The following RPL18A variants were observed in gnomAD, a reference collection of about 807,000 sequenced individuals.
RPL18A encodes the protein large ribosomal subunit protein eL20.
For missense variants in RPL18A, 163 were observed against 254.1 expected, an observed-to-expected ratio of 0.64 and a Z score of 2.44; for synonymous variants, 122 against 96.9, an observed-to-expected ratio of 1.26 and a Z score of -1.52.
intron 1 of RPL18A, 122 bp downstream of exon 1, chr19:17,860,096 G>T: frequency 1.2e-6 from 1 of 865,674 alleles, no homozygotes; most frequent in Non-Finnish European, 1.7e-6. Context: ...CCTTGGCCGC[G>T]CGCCGCCTTC....
Position 17,862,105 on chromosome 19 carries a change from G to A in RPL18A, c.210G>A (p.Lys70=), listed in dbSNP as rs1259315983. 1 of 1,611,878 alleles carries A rather than the reference G, an allele frequency of 6.2e-7. No individual in the cohort carries two copies. The highest frequency in any genetic ancestry group is 8.5e-7 in the Non-Finnish European group (1 of 1,179,854). Residue 70 remains lysine (K), a synonymous_variant, in exon 3 of 5, where the codon AAG becomes AAA. Coordinates refer to ENST00000222247, the MANE Select transcript of RPL18A (RefSeq NM_000980.4). ...EIVYCGQVFE[K]SPLRVKNFGI... ...CCTCTCCTTGGCAGGTGTTTGAGAA[G>A]TCCCCCCTGCGGGTGAAGAACTTCG...
Position 17,863,258 on chromosome 19 carries a change from T to C in RPL18A, c.526T>C (p.Phe176Leu), listed in dbSNP as rs754265118. 6.4e-6 allele frequency: 10 copies of C among 1,574,330 alleles called. No individual in the cohort carries two copies. Among genetic ancestry groups the C allele is most frequent in the Non-Finnish European group, 8.7e-6 (10 of 1,146,212 alleles). ...RFTTKRPNTF[F>L] ...CACCACCAAGAGGCCCAACACCTTC[T>C]TCTAGGTGCAGGGCCCTCGTCCGGG... Residue 176 changes from phenylalanine (F) to leucine (L), a missense_variant, in exon 5 of 5, where the codon TTC becomes CTC. By Grantham distance (22) the Phe-to-Leu change is conservative. Transcript: ENST00000222247.
At chr19:17,861,233 G>C in intron 1 of RPL18A, 60 bp from the exon 2 acceptor site, 1 of 1,497,150 alleles carries the variant, frequency 6.7e-7, no homozygotes, top group East Asian at 2.3e-5. Flanking sequence ...AAGGGAGTGA[G>C]GTGGATCTCC....
intron 1 of RPL18A, chr19:17,860,909 AAAG>A (rs1949064190): frequency 4.4e-6 from 1 of 227,042 alleles, no homozygotes; most frequent in Non-Finnish European, 8.9e-6. Context: ...CCTCAGGGTG[AAAG>A]AAGATGTTGG....
At position 17,861,452 on chromosome 19, in the gene RPL18A, G is replaced by A. The variant is rs769994765; in HGVS notation, c.178G>A (p.Glu60Lys). 1 of 1,596,190 alleles carries A rather than the reference G, an allele frequency of 6.3e-7. No homozygotes were observed. Among genetic ancestry groups the A allele is most frequent in the Non-Finnish European group, 8.6e-7 (1 of 1,168,714 alleles). Reference sequence around the variant, plus strand: ...AAAGAAGATGAAGAAGTCTTCAGGGGAGATTGTCTACTGTGGGCAGGTATG... The same window carrying A: ...AAAGAAGATGAAGAAGTCTTCAGGGAAGATTGTCTACTGTGGGCAGGTATG... ...QLKKMKKSSG[E>K]IVYCGQVFEK... The change falls in exon 2 of 5, where the codon GAG becomes AAG. Residue 60 changes from glutamate (E) to lysine (K), a missense_variant. Glu to Lys is a moderately conservative substitution (Grantham distance 56). Coordinates refer to ENST00000222247, the MANE Select transcript of RPL18A (RefSeq NM_000980.4).
At chr19:17,862,375 C>T (rs1203526358) in intron 3 of RPL18A, 152 bp downstream of exon 3, 14 of 949,254 alleles carry the variant, frequency 1.5e-5, no homozygotes, top group South Asian at 4.7e-5. Context: ...CCCCAGATGG[C>T]GCTTTTCTGA....
chr19:17,859,984 G>A lies in RPL18A; in HGVS notation c.18+10G>A, dbSNP rs1045204937. ...GAAGGCCTCGGGCACGGTAAGGCGG[G>A]CGCGGCGCGGCAGGGGGCCAAGGGA... On this transcript the variant is annotated intron_variant, in intron 1 of 4. Transcript: ENST00000222247. 3.3e-6 allele frequency: 5 copies of A among 1,519,626 alleles called. No homozygotes were observed. The highest frequency in any genetic ancestry group is 2.9e-5 in the African/African-American group (2 of 69,774). 94.1% of individuals were successfully genotyped at this position (1,519,626 alleles called of 1,614,324 possible). A position where few individuals can be genotyped will look rare whatever the true frequency, so the allele number is the denominator to read the frequency against.
Position 17,863,042 on chromosome 19 carries a change from G to C in RPL18A, c.438+15G>C, listed in dbSNP as rs1054133470. ...AGCAGTTCCACGTGAGTGCCCTGGG[G>C]GACTCCCCTGGAGGGAAGTGCCTGC... On this transcript the variant is annotated intron_variant, in intron 4 of 4. Transcript: ENST00000222247. 2 of 1,600,716 alleles carry C rather than the reference G, an allele frequency of 1.2e-6. No individual in the cohort carries two copies. The highest frequency in any genetic ancestry group is 4.5e-5 in the East Asian group (2 of 44,744).
chr19:17,862,333 C>A, intron 3 of RPL18A, 110 bp downstream of exon 3: 2 of 1,349,112 alleles, frequency 1.5e-6, no homozygotes, highest in Non-Finnish European at 2.0e-6. Flanking sequence ...GGACTGGTGG[C>A]GGGGCACAGG....
At chr19:17,860,434 T>A in intron 1 of RPL18A, 1 of 161,496 alleles carries the variant, frequency 6.2e-6, no homozygotes. Flanking sequence ...CTGGATAGAA[T>A]CAAACGGCTC....
intron 1 of RPL18A, among the ~76,000 whole-genome samples, chr19:17,860,485 G>A (rs1242118072): frequency 1.3e-5 from 2 of 152,166 alleles, no homozygotes; most frequent in African/African-American, 2.4e-5. Context: ...CCATGGAGTG[G>A]GTGTATTATG....
chr19:17,861,451 G>A lies in RPL18A; in HGVS notation c.177G>A (p.Gly59=), dbSNP rs3209786. The part of the protein sequence containing the change: ...SQLKKMKKSS[G]EIVYCGQVFE... ...TAAAGAAGATGAAGAAGTCTTCAGG[G>A]GAGATTGTCTACTGTGGGCAGGTAT... is the stretch of plus-strand genomic sequence containing the variant. Residue 59 remains glycine (G), a synonymous_variant, in exon 2 of 5, where the codon GGG becomes GGA. Coordinates refer to ENST00000222247, the MANE Select transcript of RPL18A (RefSeq NM_000980.4). 4.4e-6 allele frequency: 7 copies of A among 1,596,700 alleles called. No homozygotes were observed. In the South Asian group the frequency reaches 7.9e-5, roughly 18 times the overall value.
At chr19:17,860,549 C>T (rs2094275414) in intron 1 of RPL18A, among the ~76,000 whole-genome samples, 1 of 152,198 alleles carries the variant, frequency 6.6e-6, no homozygotes, top group Admixed American at 6.5e-5. Flanking sequence ...CCCCATTGTT[C>T]CCTTCCTGAA....
intron 3 of RPL18A, 123 bp from the exon 4 acceptor site, chr19:17,862,795 G>A (rs771479094): frequency 5.7e-5 from 44 of 775,814 alleles, no homozygotes; most frequent in Non-Finnish European, 8.8e-5. Context: ...CGTGAGCCCC[G>A]AGCCCTCAGG....
intron 3 of RPL18A, chr19:17,862,682 G>A (rs1313646244): frequency 1.3e-6 from 1 of 755,004 alleles, no homozygotes; most frequent in South Asian, 1.4e-5. Context: ...GGGGGGCTGT[G>A]GCCGTGCCCC....
chr19:17,860,064 C>T (rs2094274297), intron 1 of RPL18A, 90 bp downstream of exon 1: 3 of 1,236,286 alleles, frequency 2.4e-6, no homozygotes, highest in South Asian at 1.6e-5. Flanking sequence ...GGGTTGGTGC[C>T]GCGCGCTTCT....
intron 3 of RPL18A, 96 bp downstream of exon 3, chr19:17,862,319 C>G: frequency 1.4e-6 from 2 of 1,441,292 alleles, no homozygotes; most frequent in Non-Finnish European, 1.9e-6. Context: ...GCAGGAGAGT[C>G]TCAGGACTGG....
chr19:17,861,718 C>T (rs1050442528), intron 2 of RPL18A: 1 of 565,954 alleles, frequency 1.8e-6, no homozygotes, highest in Admixed American at 3.2e-5. Context: ...CATGGTGGGA[C>T]ACCTTGGTTG....
chr19:17,860,236 C>T, intron 1 of RPL18A: 1 of 495,864 alleles, frequency 2.0e-6, no homozygotes, highest in South Asian at 3.1e-5. Flanking sequence ...GAATAAGTCG[C>T]GCAGCATAGA....
Sources: allele counts gnomAD v4.1 joint callset (sites outside exome capture counted in the v4.1 genomes callset), GRCh38; gene constraint gnomAD v4.1.1; transcripts MANE v1.5; gene names NCBI Gene and HGNC (gene_info 2026-07-23, HGNC 2026-07-21).